The following BUB1 variants were observed in gnomAD, a reference collection of about 807,000 sequenced individuals.
The protein encoded by BUB1 is mitotic checkpoint serine/threonine-protein kinase BUB1.
A neutral mutation model predicts 135.2 loss-of-function variants in BUB1; 84 were observed. The ratio of observed to expected loss-of-function variants is 0.62; its 90% CI spans 0.52 to 0.74. The LOEUF (loss-of-function observed/expected upper bound fraction) is 0.74, where lower values mean the gene tolerates loss of function less well. BUB1 is among the 30% of genes least tolerant of loss of function. BUB1 has a pLI of 0.00. For synonymous variants in BUB1, 403 were observed against 434.4 expected (o/e 0.93, Z 0.90); for missense variants, 1,162 against 1,288.3 (o/e 0.90, Z 1.50).
At chr2:110,662,260 AAAAT>A (rs1270921158) in intron 9 of BUB1, among the ~76,000 whole-genome samples, 2 of 152,348 alleles carry the variant, frequency 1.3e-5, no homozygotes, top group East Asian at 3.9e-4. Context: ...AAAAGGGAAA[AAAAT>A]AAATAAATAA....
rs1690394515 is a variant in BUB1 at position 110,670,560 on chromosome 2, T to C, written c.431A>G (p.Gln144Arg). The C allele has an allele frequency of 6.2e-7, 1 of 1,613,940 alleles. No homozygotes were observed. The highest frequency in any genetic ancestry group is 1.1e-5 in the South Asian group (1 of 91,086). Residue 144 changes from glutamine (Q) to arginine (R), a missense_variant, in exon 5 of 25, where the codon CAG (glutamine) becomes CGG (arginine). Physicochemically the swap from Gln to Arg is conservative, Grantham distance 43 (BLOSUM62 1). Transcript: ENST00000302759. ...CAAATGGGTTTCAGTGAGGCGTGTC[T>C]GAAATAACCTAAATGACAGCAGAAA... ...EFLQQQYRLF[Q>R]TRLTETHLPA...
rs774047384 is a variant in BUB1, at chr2:110,661,640, G to C, written c.1159C>G (p.Pro387Ala). The C allele has an allele frequency of 6.2e-7, 1 of 1,614,170 alleles. No individual in the cohort carries two copies. Among genetic ancestry groups the C allele is most frequent in the South Asian group, 1.1e-5 (1 of 91,088 alleles). ...TCTGTTACTGTCTGGGCTTTCAAAG[G>C]AACAGGAGGAGCAATGCTCTGGCTG... is the stretch of plus-strand genomic sequence containing the variant. Reference protein sequence around the residue: ...ATSQSIAPPVPLKAQTVTDSM... With the variant: ...ATSQSIAPPVALKAQTVTDSM... The change falls in exon 10 of 25, where the codon CCT becomes GCT. Residue 387 changes from proline to alanine, a missense_variant. By Grantham distance (27) the Pro-to-Ala change is conservative (BLOSUM62 -1). Coordinates refer to ENST00000302759, the MANE Select transcript of BUB1 (RefSeq NM_004336.5).
At chr2:110,672,013 G>A (rs925989226) in intron 4 of BUB1, among the ~76,000 whole-genome samples, 1 of 152,180 alleles carries the variant, frequency 6.6e-6, no homozygotes, top group Non-Finnish European at 1.5e-5. Context: ...GATCACTTGA[G>A]GTCAGGGGTT....
intron 13 of BUB1, 33 bp downstream of exon 13, chr2:110,658,377 C>T: frequency 6.5e-7 from 1 of 1,534,460 alleles, no homozygotes; most frequent in Non-Finnish European, 9.0e-7. Flanking sequence ...ACCTATAATG[C>T]TATGCACTTA....
rs1476146897 is a variant in BUB1 at position 110,648,721 on chromosome 2, A to C, written c.2347+513T>G. ...CTTCTCTTAAAAATAAAGTCTATTC[A>C]TTAAAAAACTTAAAAGGGAATATTG... On this transcript the variant is annotated intron_variant, in intron 19 of 24. Coordinates refer to ENST00000302759, the MANE Select transcript of BUB1 (RefSeq NM_004336.5). The surrounding 1 kb of genome is among the most constrained non-coding windows in gnomAD (Gnocchi z 4.2). The C allele has an allele frequency of 1.3e-5, 2 of 152,216 alleles. No individual in the cohort carries two copies. The highest frequency in any genetic ancestry group is 6.5e-5 in the Admixed American group (1 of 15,278). The allele number at this position is 152,216 out of a possible 1,614,324, so 9.4% of individuals were successfully genotyped here. A position where few individuals can be genotyped will look rare whatever the true frequency, so the allele number is the denominator to read the frequency against.
intron 8 of BUB1, among the ~76,000 whole-genome samples, chr2:110,667,133 T>C (rs533871429): frequency 3.3e-5 from 5 of 152,366 alleles, no homozygotes; most frequent in Non-Finnish European, 7.3e-5. Flanking sequence ...GGTTTAGAAT[T>C]ACTATATACA....
chr2:110,670,017 C>T (rs887419299), intron 5 of BUB1, among the ~76,000 whole-genome samples: 2 of 150,002 alleles, frequency 1.3e-5, no homozygotes, highest in Non-Finnish European at 2.9e-5. Context: ...TTTTAAAATG[C>T]TAAGACAAAG....
chr2:110,655,697 A>T, intron 16 of BUB1, 42 bp downstream of exon 16: 2 of 1,451,800 alleles, frequency 1.4e-6, no homozygotes, highest in Non-Finnish European at 1.9e-6. Context: ...TGAAAGAATC[A>T]AAGTTGGCAG....
chr2:110,644,188 G>A (rs1689582926), intron 19 of BUB1, among the ~76,000 whole-genome samples: 1 of 151,466 alleles, frequency 6.6e-6, no homozygotes, highest in Non-Finnish European at 1.5e-5. Flanking sequence ...GAAAGGAACA[G>A]ACAAAAATAT....
intron 9 of BUB1, among the ~76,000 whole-genome samples, chr2:110,663,042 A>C (rs535632552): frequency 6.6e-6 from 1 of 152,318 alleles, no homozygotes; most frequent in African/African-American, 2.4e-5. Flanking sequence ...AGAAAGTTGG[A>C]GGCCGAGGTA....
At chr2:110,666,712 AC>A (rs1278915304) in intron 8 of BUB1, among the ~76,000 whole-genome samples, 1 of 152,034 alleles carries the variant, frequency 6.6e-6, no homozygotes, top group Non-Finnish European at 1.5e-5. Flanking sequence ...CATATACATG[AC>A]TGTTCTTGTA....
At chr2:110,671,297 T>C (rs1384481267) in intron 4 of BUB1, among the ~76,000 whole-genome samples, 1 of 152,196 alleles carries the variant, frequency 6.6e-6, no homozygotes, top group Non-Finnish European at 1.5e-5. Context: ...TTTAGAGATG[T>C]TTACAATAGG....
chr2:110,674,498 C>T (rs1349523167), intron 1 of BUB1, 133 bp from the exon 2 acceptor site: 1 of 711,798 alleles, frequency 1.4e-6, no homozygotes, highest in South Asian at 1.9e-5. Flanking sequence ...TATATATACA[C>T]CATTTATATG....
In BUB1 at chr2:110,637,840, A is replaced by G; in HGVS notation, c.*124T>C. Reference sequence around the variant, plus strand: ...TATTTATAACAACTAAGTTACATGGAAATATTCCATGGGATTTATTTTTAA... The same window carrying G: ...TATTTATAACAACTAAGTTACATGGGAATATTCCATGGGATTTATTTTTAA... On this transcript the variant is annotated 3_prime_UTR_variant, in exon 25 of 25. Transcript: ENST00000302759. 1 of 743,442 alleles carries G rather than the reference A, an allele frequency of 1.3e-6. No individual in the cohort carries two copies. Among genetic ancestry groups the G allele is most frequent in the Non-Finnish European group, 1.9e-6 (1 of 516,532 alleles). The allele number at this position is 743,442 out of a possible 1,614,324, so 46.1% of individuals were successfully genotyped here.
chr2:110,638,188 TAA>T, intron 24 of BUB1, 29 bp from the exon 25 acceptor site: 1 of 1,540,220 alleles, frequency 6.5e-7, no homozygotes, highest in Non-Finnish European at 8.8e-7. Flanking sequence ...AAATAATGGC[TAA>T]AATGTAGCCT....
At position 110,669,456 on chromosome 2, in the gene BUB1, A is replaced by G. The variant is rs944777263; in HGVS notation, c.564T>C (p.Asn188=). 6 of 1,580,748 alleles carry G rather than the reference A, an allele frequency of 3.8e-6. No homozygotes were observed. Among genetic ancestry groups the G allele is most frequent in the Non-Finnish European group, 5.2e-6 (6 of 1,149,740 alleles). The change falls in exon 6 of 25, where the codon AAT becomes AAC. Residue 188 remains asparagine (N), a synonymous_variant. Transcript: ENST00000302759. Reference sequence around the variant, plus strand: ...AAGCTACAAATGTCATTATTACCTGATTCTTAGAAATGCAGGCCATGTTAT... The same window carrying G: ...AAGCTACAAATGTCATTATTACCTGGTTCTTAGAAATGCAGGCCATGTTAT... The part of the protein sequence containing the change: ...PGNNMACISK[N]QGSELSGVIS...
Position 110,649,391 on chromosome 2 carries a change from GAAAAA to G in BUB1, c.2204-19_2204-15del. On this transcript the variant is annotated splice_polypyrimidine_tract_variant and intron_variant, in intron 18 of 24. Transcript: ENST00000302759. ...CAACAATGAAGTCTTAAAGGAATGA[GAAAAA>G]AAAAAAAAAAGGGAACATGAATTGA... 4 of 1,127,544 alleles carry G rather than the reference GAAAAA, an allele frequency of 3.5e-6. No individual in the cohort carries two copies. Among genetic ancestry groups the G allele is most frequent in the South Asian group, 2.4e-5 (1 of 42,366 alleles). The allele number at this position is 1,127,544 out of a possible 1,614,324, so 69.8% of individuals were successfully genotyped here. A position where few individuals can be genotyped will look rare whatever the true frequency, so the allele number is the denominator to read the frequency against.
At chr2:110,643,039 T>C (rs1329174070) in intron 19 of BUB1, among the ~76,000 whole-genome samples, 1 of 152,174 alleles carries the variant, frequency 6.6e-6, no homozygotes, top group Non-Finnish European at 1.5e-5. Flanking sequence ...ATTCACATGT[T>C]CAAAATCAGA....
rs1176936810 is a variant in BUB1, at chr2:110,661,804, T to C, written c.995A>G (p.Gln332Arg). Residue 332 changes from glutamine to arginine, a missense_variant, in exon 10 of 25, where the codon CAG becomes CGG. Gln to Arg is a conservative substitution (Grantham distance 43). Coordinates refer to ENST00000302759, the MANE Select transcript of BUB1 (RefSeq NM_004336.5). ...PARMGPSVGS[Q>R]QELRAPCLPV... ...AAGACATGGCGCTCTCAGTTCCTGC[T>C]GGGAGCCTACACTTGGCCCCATACG... The C allele has an allele frequency of 6.2e-7, 1 of 1,614,118 alleles. No homozygotes were observed. The highest frequency in any genetic ancestry group is 1.1e-5 in the South Asian group (1 of 91,090).
Sources: gnomAD v4.1 joint callset for allele counts (sites outside exome capture counted in the v4.1 genomes callset) on GRCh38, gnomAD v4.1.1 for gene constraint, Gnocchi (gnomAD v3.1) non-coding constraint, MANE v1.5 for transcripts, NCBI Gene and HGNC (gene_info 2026-07-23, HGNC 2026-07-21) for gene names.